GRK5: variants seen among roughly 807,000 people sequenced by gnomAD.
GRK5 encodes the protein G protein-coupled receptor kinase 5, also known as g protein-coupled receptor kinase GRK5.
Under a neutral mutation model 78.4 loss-of-function variants are expected in GRK5, and 40 were observed. The observed-to-expected ratio is 0.51, with a 90% CI of 0.40 to 0.66. GRK5 has a LOEUF of 0.66. GRK5 is among the 30% of genes least tolerant of loss of function. GRK5 has a pLI of 0.00. For missense variants in GRK5, 598 were observed against 759.9 expected, an observed-to-expected ratio of 0.79 and a Z score of 2.50; for synonymous variants, 289 against 296.8, an observed-to-expected ratio of 0.97 and a Z score of 0.27.
At chr10:119,420,026 A>G (rs906776357) in intron 4 of GRK5, among the ~76,000 whole-genome samples, 51 of 152,174 alleles carry the variant, frequency 3.4e-4, no homozygotes, top group African/African-American at 1.2e-3. Context: ...CACTCCCTCC[A>G]GCCAGATCTC....
At chr10:119,345,307 T>C (rs1302899531) in intron 2 of GRK5, among the ~76,000 whole-genome samples, 1 of 152,172 alleles carries the variant, frequency 6.6e-6, no homozygotes, top group African/African-American at 2.4e-5. Context: ...TCAGCAGGTT[T>C]TGTGCTCATT....
rs766184775 is a variant in GRK5, at chr10:119,453,272, G to C, written c.1670G>C (p.Arg557Pro). The change falls in exon 15 of 16, where the codon CGG (arginine) becomes CCG (proline). Residue 557 changes from arginine to proline, a missense_variant. Coordinates refer to ENST00000392870, the MANE Select transcript of GRK5 (RefSeq NM_005308.3). ...KKGLLQRLFKRQHQNNSKSSP... is the reference protein window; with the variant it reads ...KKGLLQRLFKPQHQNNSKSSP... ...GGGCTGCTCCAGAGACTCTTCAAGCGGCAGGTGAGACACCCATGCCTGGCC... is the reference window on the plus strand; with the variant it reads ...GGGCTGCTCCAGAGACTCTTCAAGCCGCAGGTGAGACACCCATGCCTGGCC... 4 of 1,613,954 alleles carry C rather than the reference G, an allele frequency of 2.5e-6. No homozygotes were observed. Among genetic ancestry groups the C allele is most frequent in the Non-Finnish European group, 3.4e-6 (4 of 1,179,986 alleles).
chr10:119,214,964 C>A (rs1030989759), intron 1 of GRK5, among the ~76,000 whole-genome samples: 7 of 152,234 alleles, frequency 4.6e-5, no homozygotes, highest in African/African-American at 1.7e-4. Flanking sequence ...GTGTTCAGGG[C>A]AGAGGCCTGG....
intron 2 of GRK5, among the ~76,000 whole-genome samples, chr10:119,353,760 A>G (rs1283158722): frequency 6.6e-6 from 1 of 152,110 alleles, no homozygotes; most frequent in African/African-American, 2.4e-5. Flanking sequence ...TGTACATCTA[A>G]GCATTATTTT....
intron 4 of GRK5, among the ~76,000 whole-genome samples, chr10:119,400,638 T>C (rs1351878637): frequency 6.6e-6 from 1 of 152,098 alleles, no homozygotes; most frequent in East Asian, 1.9e-4. Flanking sequence ...GGGGCCCCTC[T>C]GAGCTGTAGG....
chr10:119,420,872 A>G (rs575788262), intron 4 of GRK5, among the ~76,000 whole-genome samples: 40 of 152,290 alleles, frequency 2.6e-4, no homozygotes, highest in African/African-American at 9.6e-4. Context: ...TGAGCCACTG[A>G]GTCCTGCCTG....
At chr10:119,410,795 C>T (rs1425312547) in intron 4 of GRK5, among the ~76,000 whole-genome samples, 1 of 151,566 alleles carries the variant, frequency 6.6e-6, no homozygotes. Context: ...GAAGGGTCCT[C>T]CCTATTGCCT....
intron 3 of GRK5, among the ~76,000 whole-genome samples, chr10:119,381,712 T>G (rs1422345116): frequency 6.6e-6 from 1 of 151,428 alleles, no homozygotes; most frequent in East Asian, 1.9e-4. Flanking sequence ...GGAAGAGGAG[T>G]GGAGAGCGGT....
In GRK5 at chr10:119,326,599, C is replaced by T. The variant is rs1850684014; in HGVS notation, c.136C>T (p.Arg46Ter). 1.9e-6 allele frequency: 3 copies of T among 1,612,934 alleles called. No individual in the cohort carries two copies. The highest frequency in any genetic ancestry group is 1.7e-6 in the Non-Finnish European group (2 of 1,178,936). The change falls in exon 2 of 16, where the codon CGA (arginine) becomes TGA (stop). Residue 46 changes from arginine to a stop codon, truncating the protein, a stop_gained. Coordinates refer to ENST00000392870, the MANE Select transcript of GRK5 (RefSeq NM_005308.3). LOFTEE classifies it high-confidence loss of function. ...FPHISQCEDL[R>*]RTIDRDYCSL... is the part of the protein sequence containing the mutation. ...TCACATTAGCCAGTGTGAAGACCTCCGAAGGACCATAGGTAAGCTGTCCTG... is the reference window on the plus strand; with the variant it reads ...TCACATTAGCCAGTGTGAAGACCTCTGAAGGACCATAGGTAAGCTGTCCTG...
At chr10:119,246,019 C>CAAAAAAA (rs941734040) in intron 1 of GRK5, among the ~76,000 whole-genome samples, 41 of 14,034 alleles carry the variant, frequency 2.9e-3, no homozygotes, top group Admixed American at 5.0e-3. Flanking sequence ...GACTCCATCT[C>CAAAAAAA]AAAAAAAAAA....
intron 2 of GRK5, among the ~76,000 whole-genome samples, chr10:119,347,406 C>A (rs542233912): frequency 5.3e-5 from 8 of 150,278 alleles, no homozygotes; most frequent in African/African-American, 2.0e-4. Flanking sequence ...CATGTGTGTG[C>A]GTGTGTATAC....
chr10:119,261,230 C>G (rs535416219), intron 1 of GRK5, among the ~76,000 whole-genome samples: 4 of 150,122 alleles, frequency 2.7e-5, no homozygotes, highest in Admixed American at 1.3e-4. Context: ...ACGGGGCGGC[C>G]GGGCAGAGAC....
chr10:119,283,199 T>C (rs902669986), intron 1 of GRK5, among the ~76,000 whole-genome samples: 3 of 151,952 alleles, frequency 2.0e-5, no homozygotes, highest in Admixed American at 6.5e-5. Flanking sequence ...AACATAGCAA[T>C]ATAATTAGTC....
chr10:119,324,500 C>T (rs1047101381), intron 1 of GRK5, among the ~76,000 whole-genome samples: 2 of 152,180 alleles, frequency 1.3e-5, no homozygotes, highest in Non-Finnish European at 2.9e-5. Flanking sequence ...CGGTGGTGCA[C>T]ATCTGTATTC....
intron 2 of GRK5, among the ~76,000 whole-genome samples, chr10:119,347,393 G>T (rs765070553): frequency 4.6e-5 from 7 of 151,952 alleles, no homozygotes; most frequent in Non-Finnish European, 8.8e-5. Context: ...GTTTGCGAGT[G>T]TGCATGTGTG....
rs1279690665 is a variant in GRK5, at chr10:119,378,628, C to T, written c.149-2187C>T. On this transcript the variant is annotated intron_variant, in intron 2 of 15. Transcript: ENST00000392870. The surrounding 1 kb of genome is among the most constrained non-coding windows in gnomAD (Gnocchi z 4.5). The stretch of plus-strand genomic sequence containing the variant: ...ATAAATGCCCGGGAGGGCGGGCTGC[C>T]TTCAGGGCTCCTCTCTCCGCTCATC... 6.6e-6 allele frequency among the ~76,000 whole-genome samples: 1 copy of T among 151,912 alleles called. No homozygotes were observed. Among genetic ancestry groups the T allele is most frequent in the East Asian group, 2.0e-4 (1 of 5,100 alleles).
At chr10:119,262,857 T>A (rs2133658802) in intron 1 of GRK5, among the ~76,000 whole-genome samples, 1 of 152,332 alleles carries the variant, frequency 6.6e-6, no homozygotes, top group African/African-American at 2.4e-5. Context: ...GCTTTCTCCA[T>A]CTGTAAATAA....
intron 2 of GRK5, among the ~76,000 whole-genome samples, chr10:119,375,973 C>T (rs971384583): frequency 6.6e-6 from 1 of 152,214 alleles, no homozygotes; most frequent in Non-Finnish European, 1.5e-5. Flanking sequence ...TTTTTGTCCC[C>T]TTTTCTGTGG....
At chr10:119,269,556 C>T (rs1351545309) in intron 1 of GRK5, among the ~76,000 whole-genome samples, 3 of 151,996 alleles carry the variant, frequency 2.0e-5, no homozygotes, top group Non-Finnish European at 2.9e-5. Flanking sequence ...AATGGCCAGG[C>T]ACAGTGGTTC....
Sources: gnomAD v4.1 joint callset for allele counts (sites outside exome capture counted in the v4.1 genomes callset) on GRCh38, gnomAD v4.1.1 for gene constraint, Gnocchi (gnomAD v3.1) non-coding constraint, MANE v1.5 for transcripts, NCBI Gene and HGNC (gene_info 2026-07-23, HGNC 2026-07-21) for gene names.